CTNNA2: variants seen among roughly 807,000 people sequenced by gnomAD.
CTNNA2 encodes catenin alpha 2.
CTNNA2 carries 42 observed loss-of-function variants against 101.0 expected under a neutral mutation model. The observed-to-expected ratio is 0.42, with a 90% CI of 0.32 to 0.54. The LOEUF (loss-of-function observed/expected upper bound fraction) is 0.54. Ranked by LOEUF, CTNNA2 falls within the 20% of genes least tolerant of loss-of-function variation. The probability of loss-of-function intolerance (pLI) is 0.14; values close to 1 mark genes in which losing one functional copy is unlikely to be tolerated. For synonymous variants in CTNNA2, 450 were observed against 456.4 expected (o/e 0.99, Z 0.18); for missense variants, 871 against 1,223.1 (o/e 0.71, Z 4.29).
chr2:79,984,229 A>G (rs1691598802), intron 7 of CTNNA2, among the ~76,000 whole-genome samples: 1 of 152,192 alleles, frequency 6.6e-6, no homozygotes, highest in Non-Finnish European at 1.5e-5. Flanking sequence ...AGTGCTGGCA[A>G]CCAGGGCCTC....
intron 17 of CTNNA2, among the ~76,000 whole-genome samples, chr2:80,617,261 A>G (rs1044349963): frequency 2.0e-5 from 3 of 150,536 alleles, no homozygotes; most frequent in African/African-American, 7.3e-5. Context: ...AATGGGAAAA[A>G]TCAGAAAATC....
chr2:80,410,292 C>G (rs765762570), intron 8 of CTNNA2, among the ~76,000 whole-genome samples: 2 of 152,166 alleles, frequency 1.3e-5, no homozygotes, highest in Non-Finnish European at 2.9e-5. Context: ...CGACTGTGTG[C>G]TCCCACGAAA....
chr2:80,514,362 C>G (rs1160710816), intron 9 of CTNNA2, among the ~76,000 whole-genome samples: 1 of 152,134 alleles, frequency 6.6e-6, no homozygotes, highest in African/African-American at 2.4e-5. Flanking sequence ...ACAATGCTCT[C>G]TTAGCTCCTC....
intron 18 of CTNNA2, among the ~76,000 whole-genome samples, chr2:80,625,492 A>G (rs1671588009): frequency 6.6e-6 from 1 of 152,036 alleles, no homozygotes; most frequent in Non-Finnish European, 1.5e-5. Context: ...TGCTTCAGGA[A>G]GACTTCTTTG....
intron 7 of CTNNA2, among the ~76,000 whole-genome samples, chr2:79,956,305 C>T (rs1689217569): frequency 6.6e-6 from 1 of 152,046 alleles, no homozygotes; most frequent in South Asian, 2.1e-4. Context: ...TAGTCTTATA[C>T]AAAATACTTT....
Position 80,138,619 on chromosome 2 carries a change from A to G in CTNNA2, c.1056+228822A>G, listed in dbSNP as rs79223699. 4.2e-3 allele frequency among the ~76,000 whole-genome samples: 637 copies of G among 152,222 alleles called. 2 individuals carry two copies. Among genetic ancestry groups the G allele is most frequent in the East Asian group, 0.02 (104 of 5,162 alleles). On this transcript the variant is annotated intron_variant, in intron 7 of 18. Coordinates refer to ENST00000402739, the MANE Select transcript of CTNNA2 (RefSeq NM_001282597.3). ...AACACAGGGCTGGCACATGATATGCATGAAGGTTAAGAACACAGGTTGAGC... is the reference window on the plus strand; with the variant it reads ...AACACAGGGCTGGCACATGATATGCGTGAAGGTTAAGAACACAGGTTGAGC...
intron 7 of CTNNA2, among the ~76,000 whole-genome samples, chr2:80,341,209 G>A (rs987818104): frequency 1.3e-5 from 2 of 151,862 alleles, no homozygotes; most frequent in African/African-American, 4.8e-5. Context: ...TTAAATCATT[G>A]GCCACCCAAG....
At chr2:79,576,241 GCT>G (rs1328231469) in intron 1 of CTNNA2, among the ~76,000 whole-genome samples, 1 of 152,106 alleles carries the variant, frequency 6.6e-6, no homozygotes, top group Non-Finnish European at 1.5e-5. Flanking sequence ...AGCTGTGTTT[GCT>G]CTGTTAGAAA....
At chr2:80,444,418 T>C (rs1296465178) in intron 9 of CTNNA2, among the ~76,000 whole-genome samples, 1 of 152,068 alleles carries the variant, frequency 6.6e-6, no homozygotes, top group Non-Finnish European at 1.5e-5. Flanking sequence ...TGAGGAAAGG[T>C]TGGAGAGAGG....
At chr2:80,148,662 T>A (rs1703501874) in intron 7 of CTNNA2, among the ~76,000 whole-genome samples, 2 of 152,250 alleles carry the variant, frequency 1.3e-5, no homozygotes, top group South Asian at 4.1e-4. Flanking sequence ...AATTTCAGTT[T>A]TATTTCTCTG....
At chr2:80,128,051 G>A (rs1363336199) in intron 7 of CTNNA2, among the ~76,000 whole-genome samples, 1 of 151,994 alleles carries the variant, frequency 6.6e-6, no homozygotes, top group African/African-American at 2.4e-5. Flanking sequence ...GCTGATGAAA[G>A]TCATCAGATT....
chr2:79,628,849 T>C (rs1679494763), intron 1 of CTNNA2, among the ~76,000 whole-genome samples: 1 of 152,230 alleles, frequency 6.6e-6, no homozygotes, highest in African/African-American at 2.4e-5. Context: ...TCCTCTTTCC[T>C]TTTTCTTCAC....
chr2:79,266,496 A>T (rs959772255), intron 2 of CTNNA2, among the ~76,000 whole-genome samples: 1 of 152,178 alleles, frequency 6.6e-6, no homozygotes, highest in African/African-American at 2.4e-5. Flanking sequence ...CCCATGTAAA[A>T]CACCTGACTC....
intron 2 of CTNNA2, among the ~76,000 whole-genome samples, chr2:79,707,028 G>A (rs937635676): frequency 6.6e-6 from 1 of 152,130 alleles, no homozygotes; most frequent in African/African-American, 2.4e-5. Flanking sequence ...TACTTTGTAT[G>A]TTATAAAACA....
Position 80,608,328 on chromosome 2 carries a change from A to T in CTNNA2, c.2430+10A>T. 2 of 1,604,770 alleles carry T rather than the reference A, an allele frequency of 1.2e-6. No homozygotes were observed. The highest frequency in any genetic ancestry group is 1.7e-6 in the Non-Finnish European group (2 of 1,173,374). The stretch of plus-strand genomic sequence containing the variant: ...GCTCATTGTGTCAGGGGTAAGCTGG[A>T]CTTGGGCTTCACAATGTAAAGTTCC... On this transcript the variant is annotated intron_variant, in intron 17 of 18. Transcript: ENST00000402739.
chr2:79,614,804 T>C (rs1573481252), intron 1 of CTNNA2, among the ~76,000 whole-genome samples: 1 of 152,242 alleles, frequency 6.6e-6, no homozygotes, highest in East Asian at 1.9e-4. Flanking sequence ...AATGTATGTG[T>C]GTGCATTTGA....
At chr2:80,607,050 AAAAAT>A (rs1459101684) in intron 16 of CTNNA2, among the ~76,000 whole-genome samples, 10 of 151,932 alleles carry the variant, frequency 6.6e-5, no homozygotes, top group African/African-American at 1.4e-4. Flanking sequence ...GTTAAATATA[AAAAAT>A]ATCCCTTTAT....
intron 7 of CTNNA2, among the ~76,000 whole-genome samples, chr2:80,113,004 C>T (rs767684918): frequency 1.3e-5 from 2 of 152,162 alleles, no homozygotes; most frequent in South Asian, 4.1e-4. Context: ...AATGATTAGC[C>T]GATGCCATCT....
At chr2:79,947,730 C>G (rs2974137) in intron 7 of CTNNA2, among the ~76,000 whole-genome samples, 46,807 of 151,882 alleles carry the variant, frequency 0.31, 8,186 homozygotes, top group African/African-American at 0.48. Flanking sequence ...TAGGATACAC[C>G]CTCTGTTCCC....
Sources: allele counts gnomAD v4.1 joint callset (sites outside exome capture counted in the v4.1 genomes callset), GRCh38; gene constraint gnomAD v4.1.1; transcripts MANE v1.5; gene names NCBI Gene and HGNC (gene_info 2026-07-23, HGNC 2026-07-21).